B3GALT1: variants seen among roughly 807,000 people sequenced by gnomAD.
B3GALT1 encodes UDP-Gal:betaGlcNAc beta 1,3-galactosyltransferase, polypeptide 1.
A neutral mutation model predicts 23.2 loss-of-function variants in B3GALT1; 10 were observed. The ratio of observed to expected loss-of-function variants is 0.43; its 90% CI spans 0.27 to 0.73. The LOEUF is 0.73. Ranked by LOEUF, B3GALT1 falls within the 30% of genes least tolerant of loss-of-function variation. The pLI, the probability that B3GALT1 is intolerant of heterozygous loss-of-function variation, is 0.21. For missense variants in B3GALT1, 299 were observed against 405.4 expected, an observed-to-expected ratio of 0.74 and a Z score of 2.25; for synonymous variants, 156 against 141.5, an observed-to-expected ratio of 1.10 and a Z score of -0.73.
rs563204329 is a variant in B3GALT1 at position 167,616,832 on chromosome 2, T to C, written c.-409-30077T>C. Among the ~76,000 whole-genome samples, 116 of 152,254 alleles carry C rather than the reference T, an allele frequency of 7.6e-4. 1 individual carries two copies. The highest frequency in any genetic ancestry group is 2.5e-3 in the African/African-American group (106 of 41,578). On this transcript the variant is annotated intron_variant, in intron 2 of 4. Transcript: ENST00000392690. ...ATTTGAAATTAGGGTGTAATTCTTA[T>C]AAAATCAGAAAAAATTACAGCTACA...
At chr2:167,558,826 G>C (rs1045654167) in intron 2 of B3GALT1, among the ~76,000 whole-genome samples, 2 of 152,224 alleles carry the variant, frequency 1.3e-5, no homozygotes, top group Non-Finnish European at 2.9e-5. Context: ...GGGTGGAGCT[G>C]ACCACAGCTC....
intron 3 of B3GALT1, among the ~76,000 whole-genome samples, chr2:167,694,457 C>T (rs922157741): frequency 6.6e-6 from 1 of 151,972 alleles, no homozygotes; most frequent in African/African-American, 2.4e-5. Context: ...ACTATGTAAA[C>T]AAGGCTCTCA....
At chr2:167,446,126 T>C (rs574973673) in intron 1 of B3GALT1, among the ~76,000 whole-genome samples, 3 of 152,202 alleles carry the variant, frequency 2.0e-5, no homozygotes, top group Admixed American at 2.0e-4. Context: ...CTTATGAAAC[T>C]TAGTTTGGCT....
intron 3 of B3GALT1, among the ~76,000 whole-genome samples, chr2:167,736,203 C>CAAAATGGA (rs1687489667): frequency 6.6e-6 from 1 of 152,050 alleles, no homozygotes; most frequent in African/African-American, 2.4e-5. Context: ...TTGAGATATT[C>CAAAATGGA]AAAATGGAAA....
intron 3 of B3GALT1, among the ~76,000 whole-genome samples, chr2:167,755,265 C>T (rs1488306816): frequency 6.6e-6 from 1 of 151,806 alleles, no homozygotes; most frequent in Non-Finnish European, 1.5e-5. Context: ...AGTACGATGC[C>T]CTGATGAAGC....
At chr2:167,624,929 T>C (rs1350823164) in intron 2 of B3GALT1, among the ~76,000 whole-genome samples, 4 of 151,990 alleles carry the variant, frequency 2.6e-5, no homozygotes, top group Non-Finnish European at 4.4e-5. Context: ...TTCTAACTGA[T>C]CAACTGGCTA....
rs577062697 is a variant in B3GALT1 at position 167,809,709 on chromosome 2, C to G, written c.-351-8963C>G. Among the ~76,000 whole-genome samples the G allele has an allele frequency of 8.5e-5, 13 of 152,288 alleles. No individual in the cohort carries two copies. In the South Asian group the frequency reaches 2.7e-3, roughly 32 times the overall value. On this transcript the variant is annotated intron_variant, in intron 3 of 4. Coordinates refer to ENST00000392690, the MANE Select transcript of B3GALT1 (RefSeq NM_020981.4). ...GTCTGCCCCTACTGGGGGGTGCCTCCCAGTTAGGCTACTCGGGGGTCAGGG... is the reference window on the plus strand; with the variant it reads ...GTCTGCCCCTACTGGGGGGTGCCTCGCAGTTAGGCTACTCGGGGGTCAGGG...
At chr2:167,657,934 A>G (rs1227057969) in intron 3 of B3GALT1, among the ~76,000 whole-genome samples, 1 of 152,112 alleles carries the variant, frequency 6.6e-6, no homozygotes. Flanking sequence ...AAATCTATTC[A>G]TTTGTCTTAA....
chr2:167,764,367 A>G (rs1687941788), intron 3 of B3GALT1, among the ~76,000 whole-genome samples: 1 of 152,232 alleles, frequency 6.6e-6, no homozygotes, highest in African/African-American at 2.4e-5. Context: ...TTAATAATAT[A>G]AGGATCTTAG....
At chr2:167,570,537 A>G (rs1043323407) in intron 2 of B3GALT1, among the ~76,000 whole-genome samples, 1 of 151,958 alleles carries the variant, frequency 6.6e-6, no homozygotes, top group African/African-American at 2.4e-5. Context: ...GTAGTGGGTA[A>G]TGAAAAAAGT....
intron 1 of B3GALT1, among the ~76,000 whole-genome samples, chr2:167,377,149 A>G (rs1697778449): frequency 6.6e-6 from 1 of 152,104 alleles, no homozygotes; most frequent in Non-Finnish European, 1.5e-5. Flanking sequence ...TGTGGTTTTG[A>G]GATATCTTGG....
At chr2:167,618,602 A>T (rs1685202849) in intron 2 of B3GALT1, among the ~76,000 whole-genome samples, 1 of 152,134 alleles carries the variant, frequency 6.6e-6, no homozygotes, top group Middle Eastern at 3.4e-3. Flanking sequence ...TATACGACTA[A>T]TGTTCTTCAT....
At chr2:167,750,259 G>A (rs548809376) in intron 3 of B3GALT1, among the ~76,000 whole-genome samples, 27 of 152,278 alleles carry the variant, frequency 1.8e-4, no homozygotes, top group Middle Eastern at 3.4e-3. Context: ...AAAAATCTAT[G>A]CTAATTGTAT....
intron 2 of B3GALT1, among the ~76,000 whole-genome samples, chr2:167,505,767 C>T (rs752111451): frequency 2.6e-5 from 4 of 152,034 alleles, no homozygotes; most frequent in African/African-American, 4.8e-5. Context: ...ATCTTAAAGA[C>T]ACAGATACTA....
At chr2:167,565,295 G>A (rs1684135235) in intron 2 of B3GALT1, among the ~76,000 whole-genome samples, 1 of 152,162 alleles carries the variant, frequency 6.6e-6, no homozygotes, top group Non-Finnish European at 1.5e-5. Flanking sequence ...GGGACAACTG[G>A]CTAGCCATAT....
chr2:167,560,345 A>C (rs1683951358), intron 2 of B3GALT1, among the ~76,000 whole-genome samples: 1 of 152,214 alleles, frequency 6.6e-6, no homozygotes, highest in African/African-American at 2.4e-5. Flanking sequence ...CAGCAGCTGC[A>C]AAATCATGCC....
intron 4 of B3GALT1, among the ~76,000 whole-genome samples, chr2:167,862,354 G>GTGTC (rs956140442): frequency 6.6e-6 from 1 of 152,202 alleles, no homozygotes; most frequent in African/African-American, 2.4e-5. Flanking sequence ...AGAAGCACTG[G>GTGTC]TGTCTGAGCT....
chr2:167,526,403 CA>C (rs1449289475), intron 2 of B3GALT1, among the ~76,000 whole-genome samples: 1 of 152,112 alleles, frequency 6.6e-6, no homozygotes, highest in Non-Finnish European at 1.5e-5. Context: ...CATTCAACCC[CA>C]CAACAAACAT....
intron 3 of B3GALT1, among the ~76,000 whole-genome samples, chr2:167,783,922 A>G (rs551815238): frequency 1.3e-5 from 2 of 152,298 alleles, no homozygotes; most frequent in African/African-American, 2.4e-5. Flanking sequence ...TGACTGTGTA[A>G]AACAGAAATA....
Sources: allele counts gnomAD v4.1 joint callset (sites outside exome capture counted in the v4.1 genomes callset), GRCh38; gene constraint gnomAD v4.1.1; transcripts MANE v1.5; gene names NCBI Gene and HGNC (gene_info 2026-07-23, HGNC 2026-07-21).